SUPT6H: variants seen among roughly 807,000 people sequenced by gnomAD.
The protein encoded by SUPT6H is SPT6 homolog, histone chaperone and transcription elongation factor, also known as transcription elongation factor SPT6.
In SUPT6H, 11 loss-of-function variants were observed where a neutral mutation model predicts 222.3. That is an observed-to-expected ratio of 0.05 (90% confidence interval 0.03 to 0.08). The LOEUF is 0.08. Ranked by LOEUF, SUPT6H falls within the 10% of genes least tolerant of loss-of-function variation. The pLI, the probability that SUPT6H is intolerant of heterozygous loss-of-function variation, is 1.00. For synonymous variants in SUPT6H, 762 were observed against 801.2 expected (o/e 0.95, Z 0.83); for missense variants, 1,422 against 2,216.0 (o/e 0.64, Z 7.19).
chr17:28,692,914 T>C (rs2031734176), intron 27 of SUPT6H, among the ~76,000 whole-genome samples: 2 of 143,520 alleles, frequency 1.4e-5, no homozygotes, highest in South Asian at 4.6e-4. Context: ...GGCAGGAGAA[T>C]GGCGTGAACC....
Position 28,687,291 on chromosome 17 carries a change from T to C in SUPT6H, c.2839-13T>C. 1 of 1,614,172 alleles carries C rather than the reference T, an allele frequency of 6.2e-7. No homozygotes were observed. Among genetic ancestry groups the C allele is most frequent in the Non-Finnish European group, 8.5e-7 (1 of 1,180,020 alleles). On this transcript the variant is annotated splice_polypyrimidine_tract_variant and intron_variant, in intron 22 of 36. Transcript: ENST00000314616. Reference sequence around the variant, plus strand: ...GCAGAGTAACCTTACTCCTGCCTGCTGAATGTCCACAGGAGCATGTGGTGA... The same window carrying C: ...GCAGAGTAACCTTACTCCTGCCTGCCGAATGTCCACAGGAGCATGTGGTGA...
chr17:28,697,492 G>T, intron 30 of SUPT6H, 128 bp from the exon 31 acceptor site: 1 of 700,748 alleles, frequency 1.4e-6, no homozygotes, highest in Non-Finnish European at 2.5e-6. Flanking sequence ...GACACAGATG[G>T]ATAAACTGAG....
intron 17 of SUPT6H, among the ~76,000 whole-genome samples, 172 bp from the exon 18 acceptor site, chr17:28,684,414 A>G (rs2031278791): frequency 6.6e-6 from 1 of 152,064 alleles, no homozygotes; most frequent in Non-Finnish European, 1.5e-5. Context: ...TCCTGTTTCC[A>G]CAAGCAAGAT....
intron 27 of SUPT6H, among the ~76,000 whole-genome samples, chr17:28,693,014 A>AGATTCATCTGATGGCC (rs1597716109): frequency 6.6e-6 from 1 of 150,846 alleles, no homozygotes; most frequent in Admixed American, 6.6e-5. Flanking sequence ...AAAAAAAAAA[A>AGATTCATCTGATGGCC]AAAAGATTAC....
At chr17:28,700,559 G>C (rs766837834) in intron 35 of SUPT6H, 47 bp downstream of exon 35, 1 of 1,591,266 alleles carries the variant, frequency 6.3e-7, no homozygotes, top group South Asian at 1.1e-5. Flanking sequence ...GGGGCCCATA[G>C]ACTGCCCTCT....
Position 28,683,881 on chromosome 17 carries a change from G to A in SUPT6H, c.2229+65G>A, listed in dbSNP as rs542115450. 183 of 1,454,844 alleles carry A rather than the reference G, an allele frequency of 1.3e-4. 1 individual carries two copies. In the African/African-American group the frequency reaches 2.3e-3, roughly 19 times the overall value. The allele number at this position is 1,454,844 out of a possible 1,614,324, so 90.1% of individuals were successfully genotyped here. A position where few individuals can be genotyped will look rare whatever the true frequency, so the allele number is the denominator to read the frequency against. On this transcript the variant is annotated intron_variant, in intron 17 of 36. Transcript: ENST00000314616. ...GACAGAGTCTTGCTCTGTTGCCCAG[G>A]CTGGAGTGCAGTGGCGCAATCTTGG...
At position 28,683,293 on chromosome 17, in the gene SUPT6H, A is replaced by G. The variant is rs376588265; in HGVS notation, c.1904A>G (p.Tyr635Cys). 12 of 1,614,164 alleles carry G rather than the reference A, an allele frequency of 7.4e-6. No individual in the cohort carries two copies. Among genetic ancestry groups the G allele is most frequent in the Middle Eastern group, 1.6e-4 (1 of 6,062 alleles). ...RKDVDEAHYA[Y>C]SFKYLKNKPV... is the part of the protein sequence containing the mutation. ...GATGTGGATGAGGCCCACTATGCCT[A>G]TTCCTTCAAGTATTTAAAGAACAAG... Residue 635 changes from tyrosine to cysteine, a missense_variant, in exon 16 of 37, where the codon TAT (tyrosine) becomes TGT (cysteine). By Grantham distance (194) the Tyr-to-Cys change is radical. Transcript: ENST00000314616.
At chr17:28,689,653 T>A in intron 25 of SUPT6H, 92 bp downstream of exon 25, 1 of 1,221,104 alleles carries the variant, frequency 8.2e-7, no homozygotes, top group Non-Finnish European at 1.2e-6. Flanking sequence ...AGAGAAAGCC[T>A]GATACTGTTA....
rs779351773 is a variant in SUPT6H, at chr17:28,683,433, C to A, written c.2033+11C>A. 2.5e-5 allele frequency: 40 copies of A among 1,613,494 alleles called. 1 individual carries two copies. In the South Asian group the frequency reaches 3.8e-4, roughly 16 times the overall value. On this transcript the variant is annotated intron_variant, in intron 16 of 36. Coordinates refer to ENST00000314616, the MANE Select transcript of SUPT6H (RefSeq NM_003170.5). ...GAAGGGAGTGGAAGGGTAAGCAGAG[C>A]CCTGGGCTGGCGACTCTCTGGGGAA...
At chr17:28,666,002 A>T (rs2029988271) in intron 1 of SUPT6H, among the ~76,000 whole-genome samples, 1 of 152,130 alleles carries the variant, frequency 6.6e-6, no homozygotes, top group African/African-American at 2.4e-5. Context: ...CAGTGCCTAG[A>T]TCCTTATGAC....
intron 23 of SUPT6H, among the ~76,000 whole-genome samples, chr17:28,687,799 T>C (rs1450675761): frequency 6.6e-6 from 1 of 152,188 alleles, no homozygotes; most frequent in Non-Finnish European, 1.5e-5. Flanking sequence ...ATTACAGGCA[T>C]GAGCCACTGC....
intron 20 of SUPT6H, 57 bp downstream of exon 20, chr17:28,686,472 T>C: frequency 1.3e-6 from 2 of 1,585,302 alleles, no homozygotes; most frequent in Non-Finnish European, 1.7e-6. Flanking sequence ...CATCCCTTAT[T>C]ATTGAGTCTG....
intron 33 of SUPT6H, 39 bp downstream of exon 33, chr17:28,699,932 AG>A: frequency 6.3e-7 from 1 of 1,575,364 alleles, no homozygotes; most frequent in South Asian, 1.1e-5. Flanking sequence ...ACGTGGCTGG[AG>A]GAACACCTAG....
rs1414317231 is a variant in SUPT6H at position 28,684,625 on chromosome 17, C to T, written c.2269C>T (p.Pro757Ser). The T allele has an allele frequency of 2.5e-6, 4 of 1,613,990 alleles. No individual in the cohort carries two copies. Among genetic ancestry groups the T allele is most frequent in the Non-Finnish European group, 3.4e-6 (4 of 1,180,038 alleles). The change falls in exon 18 of 37, where the codon CCC becomes TCC. Residue 757 changes from proline (P) to serine (S), a missense_variant. Pro to Ser is a moderately conservative substitution (Grantham distance 74, BLOSUM62 -1). Around this residue, in one of 13 missense-constraint regions of SUPT6H, gnomAD observed 294 missense variants for 382.1 expected, o/e 0.77. Coordinates refer to ENST00000314616, the MANE Select transcript of SUPT6H (RefSeq NM_003170.5). ...RKLYNWLRVA[P>S]YRPDQQVEED... ...GCTCTACAATTGGTTGAGAGTGGCA[C>T]CCTACCGACCAGATCAGCAGGTGGA...
In SUPT6H at chr17:28,684,646, G is replaced by A; in HGVS notation, c.2290G>A (p.Val764Met). The A allele has an allele frequency of 1.2e-6, 2 of 1,614,164 alleles. No homozygotes were observed. The highest frequency in any genetic ancestry group is 1.7e-6 in the Non-Finnish European group (2 of 1,180,024). Residue 764 changes from valine to methionine, a missense_variant, in exon 18 of 37, where the codon GTG (valine) becomes ATG (methionine). Transcript: ENST00000314616. ...RVAPYRPDQQ[V>M]EEDDDFMDEN... ...GGCACCCTACCGACCAGATCAGCAG[G>A]TGGAAGAAGATGACGACTTTATGGA...
At chr17:28,700,581 C>A (rs2032092453) in intron 35 of SUPT6H, 69 bp downstream of exon 35, 1 of 1,552,034 alleles carries the variant, frequency 6.4e-7, no homozygotes, top group Non-Finnish European at 8.7e-7. Context: ...GCATTGCCCA[C>A]AAGGGGCTTC....
chr17:28,672,501 C>T (rs2030482669), intron 1 of SUPT6H: 1 of 151,802 alleles, frequency 6.6e-6, no homozygotes, highest in African/African-American at 2.4e-5. Flanking sequence ...GCAACCTCCA[C>T]CTCCCGGGGT....
At chr17:28,675,266 T>C in intron 5 of SUPT6H, 104 bp downstream of exon 5, 1 of 1,491,880 alleles carries the variant, frequency 6.7e-7, no homozygotes, top group Non-Finnish European at 9.2e-7. Flanking sequence ...CCCCCAGCAT[T>C]TGACACAAAG....
intron 11 of SUPT6H, 165 bp from the exon 12 acceptor site, chr17:28,681,091 C>T: frequency 1.4e-6 from 1 of 703,966 alleles, no homozygotes; most frequent in East Asian, 3.0e-5. Flanking sequence ...AGAGTGAGAC[C>T]CTGTCTCAGA....
Sources: allele counts gnomAD v4.1 joint callset (sites outside exome capture counted in the v4.1 genomes callset), GRCh38; gene constraint gnomAD v4.1.1; regional missense constraint gnomAD v4.1.1; transcripts MANE v1.5; gene names NCBI Gene and HGNC (gene_info 2026-07-23, HGNC 2026-07-21).